Variants in OCA2 observed in about 807,000 individuals in gnomAD.
The protein encoded by OCA2 is OCA2 melanosomal transmembrane protein, also known as P protein.
A neutral mutation model predicts 100.2 loss-of-function variants in OCA2; 77 were observed. That is an observed-to-expected ratio of 0.77 (90% CI 0.64 to 0.93). The LOEUF is 0.93. Among genes scored for constraint, OCA2 ranks in the 40% least tolerant of loss-of-function variants. The probability of loss-of-function intolerance (pLI) is 0.00; values close to 1 mark genes in which losing one functional copy is unlikely to be tolerated. For synonymous variants in OCA2, 432 were observed against 439.2 expected, an observed-to-expected ratio of 0.98 and a Z score of 0.21; for missense variants, 1,062 against 1,089.1, an observed-to-expected ratio of 0.98 and a Z score of 0.35.
chr15:27,811,697 TG>T (rs1214290574), intron 23 of OCA2, among the ~76,000 whole-genome samples: 2 of 152,208 alleles, frequency 1.3e-5, no homozygotes, highest in African/African-American at 4.8e-5. Flanking sequence ...GTGGCGTGTC[TG>T]GGGTTGGCAG....
At chr15:27,984,976 G>A in intron 13 of OCA2, 88 bp downstream of exon 13, 1 of 1,525,474 alleles carries the variant, frequency 6.6e-7, no homozygotes, top group Middle Eastern at 1.7e-4. Context: ...ATGCACCTGA[G>A]AATGGAACCT....
At chr15:27,950,522 G>C (rs769272191) in intron 18 of OCA2, 1 of 518,452 alleles carries the variant, frequency 1.9e-6, no homozygotes, top group South Asian at 1.4e-5. Flanking sequence ...GCTCTCAGGT[G>C]TGGATAAATA....
chr15:27,896,965 C>A (rs982682524), intron 19 of OCA2, among the ~76,000 whole-genome samples: 4 of 151,988 alleles, frequency 2.6e-5, no homozygotes, highest in African/African-American at 9.7e-5. Flanking sequence ...CCGAGGTGGG[C>A]GGATTACGAG....
intron 23 of OCA2, among the ~76,000 whole-genome samples, chr15:27,779,361 T>C (rs1023882435): frequency 6.6e-6 from 1 of 152,214 alleles, no homozygotes; most frequent in African/African-American, 2.4e-5. Flanking sequence ...AATGGAGTAT[T>C]AACGTTTCCT....
chr15:27,783,080 G>C (rs1451979157), intron 23 of OCA2, among the ~76,000 whole-genome samples: 2 of 152,172 alleles, frequency 1.3e-5, no homozygotes, highest in African/African-American at 4.8e-5. Flanking sequence ...GGACCAGTAA[G>C]ACAGCACAGC....
At chr15:27,908,455 T>G (rs2038261480) in intron 19 of OCA2, among the ~76,000 whole-genome samples, 1 of 152,166 alleles carries the variant, frequency 6.6e-6, no homozygotes, top group African/African-American at 2.4e-5. Flanking sequence ...AGAGAAATAC[T>G]AAAGGCATTT....
intron 19 of OCA2, among the ~76,000 whole-genome samples, chr15:27,884,213 T>G (rs911270563): frequency 1.7e-4 from 26 of 152,072 alleles, no homozygotes; most frequent in African/African-American, 6.3e-4. Context: ...GAAACCTGTC[T>G]CTACAAAAAA....
rs1399562871 is a variant in OCA2, at chr15:27,831,954, G to A, written c.2432+13005C>T. On this transcript the variant is annotated intron_variant, in intron 23 of 23. Transcript: ENST00000354638. Reference sequence around the variant, plus strand: ...AGGCTGACGTCCAGTGCCCGCTCCCGAGGCCGTCTCCAGCCCCCCGTGCTC... The same window carrying A: ...AGGCTGACGTCCAGTGCCCGCTCCCAAGGCCGTCTCCAGCCCCCCGTGCTC... 5.9e-5 allele frequency among the ~76,000 whole-genome samples: 9 copies of A among 152,096 alleles called. No individual in the cohort carries two copies. The South Asian group carries it at 1.7e-3, about 28-fold the overall frequency.
intron 18 of OCA2, among the ~76,000 whole-genome samples, chr15:27,931,222 G>T (rs915159398): frequency 1.1e-5 from 1 of 92,500 alleles, no homozygotes; most frequent in Non-Finnish European, 2.3e-5. Flanking sequence ...CGTATTTGAG[G>T]GGAAAAAAAA....
At chr15:27,813,126 G>A (rs555506357) in intron 23 of OCA2, among the ~76,000 whole-genome samples, 1 of 152,264 alleles carries the variant, frequency 6.6e-6, no homozygotes, top group Admixed American at 6.5e-5. Context: ...AAGGAGAAAG[G>A]GGCAGGTGCT....
At chr15:27,752,263 G>A (rs772235261), downstream of OCA2, among the ~76,000 whole-genome samples, 15 of 152,178 alleles carry the variant, frequency 9.9e-5, no homozygotes, top group Non-Finnish European at 1.6e-4. Flanking sequence ...ACGTGATGTC[G>A]GGCAAACTCT....
intron 9 of OCA2, among the ~76,000 whole-genome samples, chr15:27,996,793 A>T (rs532645864): frequency 6.6e-6 from 1 of 152,194 alleles, no homozygotes; most frequent in East Asian, 1.9e-4. Context: ...AGATTGAAGC[A>T]CTAATCAAAA....
At chr15:28,014,469 T>C (rs2042326334) in intron 9 of OCA2, among the ~76,000 whole-genome samples, 1 of 152,182 alleles carries the variant, frequency 6.6e-6, no homozygotes, top group African/African-American at 2.4e-5. Context: ...GTGACTCTTG[T>C]TCCCTCAAGG....
At chr15:27,922,407 T>C (rs936321006) in intron 19 of OCA2, among the ~76,000 whole-genome samples, 2 of 152,218 alleles carry the variant, frequency 1.3e-5, no homozygotes, top group Admixed American at 1.3e-4. Context: ...CTCACTGCAA[T>C]GGCAACAGGA....
intron 2 of OCA2, among the ~76,000 whole-genome samples, chr15:28,061,121 G>A (rs1281224177): frequency 6.6e-6 from 1 of 152,216 alleles, no homozygotes; most frequent in Non-Finnish European, 1.5e-5. Context: ...AGGGCTGTAC[G>A]TGTGCCCAAG....
intron 15 of OCA2, among the ~76,000 whole-genome samples, chr15:27,963,606 G>A (rs1004246128): frequency 1.3e-5 from 2 of 151,980 alleles, no homozygotes; most frequent in Non-Finnish European, 2.9e-5. Flanking sequence ...TTAGTGAGAG[G>A]CCACTAAAGT....
chr15:28,051,326 CTT>C (rs1329363949), intron 2 of OCA2, among the ~76,000 whole-genome samples: 1 of 152,182 alleles, frequency 6.6e-6, no homozygotes, highest in East Asian at 1.9e-4. Flanking sequence ...CAGTTTCACT[CTT>C]GTCACTCAGG....
chr15:27,903,851 ACATGAATATTT>A (rs947081709), intron 19 of OCA2, among the ~76,000 whole-genome samples: 1 of 152,254 alleles, frequency 6.6e-6, no homozygotes, highest in African/African-American at 2.4e-5. Context: ...AAGAATTTTT[ACATGAATATTT>A]CATGTGATGG....
chr15:27,921,934 C>T (rs1256015904), intron 19 of OCA2, among the ~76,000 whole-genome samples: 2 of 152,132 alleles, frequency 1.3e-5, no homozygotes, highest in African/African-American at 4.8e-5. Flanking sequence ...ACTCCTGAAA[C>T]ATGTATTTTG....
Sources: gnomAD v4.1 joint callset for allele counts (sites outside exome capture counted in the v4.1 genomes callset) on GRCh38, gnomAD v4.1.1 for gene constraint, MANE v1.5 for transcripts, NCBI Gene and HGNC (gene_info 2026-07-23, HGNC 2026-07-21) for gene names.